Variants in GRID2 observed in about 807,000 individuals in gnomAD.
GRID2 encodes the protein glutamate receptor ionotropic, delta-2.
Under a neutral mutation model 114.8 loss-of-function variants are expected in GRID2, and 33 were observed. That is an observed-to-expected ratio of 0.29 (90% CI 0.22 to 0.38). The LOEUF (loss-of-function observed/expected upper bound fraction) is 0.38. Ranked by LOEUF, GRID2 falls within the 10% of genes least tolerant of loss-of-function variation. GRID2 has a pLI of 1.00. For missense variants in GRID2, 1,184 were observed against 1,257.7 expected, an observed-to-expected ratio of 0.94 and a Z score of 0.89; for synonymous variants, 505 against 449.9, an observed-to-expected ratio of 1.12 and a Z score of -1.55.
At chr4:92,722,211 G>A (rs973791690) in intron 2 of GRID2, among the ~76,000 whole-genome samples, 1 of 152,126 alleles carries the variant, frequency 6.6e-6, no homozygotes, top group Non-Finnish European at 1.5e-5. Context: ...CTGGATTTGG[G>A]AAGAATGCCA....
chr4:93,412,180 A>G (rs1767235814), intron 9 of GRID2, among the ~76,000 whole-genome samples: 1 of 151,290 alleles, frequency 6.6e-6, no homozygotes, highest in South Asian at 2.1e-4. Context: ...TTTGGGGATC[A>G]CTTGAGGTCA....
At chr4:92,742,696 C>T (rs181254273) in intron 2 of GRID2, among the ~76,000 whole-genome samples, 10 of 152,280 alleles carry the variant, frequency 6.6e-5, no homozygotes, top group South Asian at 2.1e-4. Flanking sequence ...AAAAAGGGCT[C>T]ATCTTTGTTT....
intron 8 of GRID2, among the ~76,000 whole-genome samples, chr4:93,253,489 T>C (rs537956501): frequency 7.2e-5 from 11 of 152,246 alleles, no homozygotes; most frequent in Non-Finnish European, 1.3e-4. Flanking sequence ...TAAAATAATG[T>C]ACAGTTAAAG....
intron 4 of GRID2, among the ~76,000 whole-genome samples, chr4:93,149,573 C>CAA (rs201508289): frequency 0.015 from 2,134 of 141,800 alleles, 20 homozygotes; most frequent in African/African-American, 0.02. Flanking sequence ...AAGACTCCAT[C>CAA]AAAAAAAAAA....
chr4:92,832,871 G>A (rs1195012654), intron 2 of GRID2, among the ~76,000 whole-genome samples: 1 of 152,134 alleles, frequency 6.6e-6, no homozygotes, highest in African/African-American at 2.4e-5. Context: ...AGTGGATATA[G>A]TAATGAACTC....
At chr4:93,284,999 T>C (rs1366615599) in intron 8 of GRID2, among the ~76,000 whole-genome samples, 1 of 151,994 alleles carries the variant, frequency 6.6e-6, no homozygotes, top group East Asian at 1.9e-4. Context: ...ATCAGTGATG[T>C]TGGAATTTTT....
intron 8 of GRID2, among the ~76,000 whole-genome samples, chr4:93,362,132 T>C (rs1370058970): frequency 6.6e-6 from 1 of 152,142 alleles, no homozygotes; most frequent in Non-Finnish European, 1.5e-5. Context: ...TCTAGTGAAA[T>C]CTTATGCTTA....
chr4:92,651,120 G>A (rs545063676), intron 2 of GRID2, among the ~76,000 whole-genome samples: 13 of 152,202 alleles, frequency 8.5e-5, no homozygotes, highest in Admixed American at 2.6e-4. Context: ...TAAGTGCATA[G>A]ATGGTAGTTT....
chr4:92,671,828 A>G (rs1733088063), intron 2 of GRID2, among the ~76,000 whole-genome samples: 2 of 152,136 alleles, frequency 1.3e-5, no homozygotes, highest in Non-Finnish European at 1.5e-5. Context: ...CATGAGTCAT[A>G]TCAGTTCTCA....
chr4:92,945,420 C>G (rs1391735635), intron 2 of GRID2, among the ~76,000 whole-genome samples: 1 of 151,892 alleles, frequency 6.6e-6, no homozygotes, highest in Non-Finnish European at 1.5e-5. Context: ...AGGATCAACT[C>G]AATGTTTTTG....
intron 14 of GRID2, among the ~76,000 whole-genome samples, chr4:93,647,457 C>G (rs1206589291): frequency 6.6e-6 from 1 of 152,192 alleles, no homozygotes; most frequent in Admixed American, 6.5e-5. Context: ...TGAGACAAAA[C>G]TGTCCTCAGG....
At chr4:93,699,264 A>C (rs1029711349) in intron 14 of GRID2, among the ~76,000 whole-genome samples, 4 of 152,110 alleles carry the variant, frequency 2.6e-5, no homozygotes, top group African/African-American at 9.7e-5. Flanking sequence ...GGTGAAGTAA[A>C]GACAATTGAA....
intron 1 of GRID2, among the ~76,000 whole-genome samples, chr4:92,549,900 G>A (rs867219262): frequency 2.0e-5 from 3 of 152,138 alleles, no homozygotes; most frequent in Non-Finnish European, 4.4e-5. Flanking sequence ...TCTTAATGAG[G>A]TATGCTATTC....
In GRID2 at chr4:93,678,005, A is replaced by C. The variant is rs536907479; in HGVS notation, c.2360+51570A>C. The stretch of plus-strand genomic sequence containing the variant: ...GAGCTACAGGAGGAAATTCAAACCA[A>C]AGGCAAAGAAGTTGAAAACTTGGAA... On this transcript the variant is annotated intron_variant, in intron 14 of 15. Coordinates refer to ENST00000282020, the MANE Select transcript of GRID2 (RefSeq NM_001510.4). Among the ~76,000 whole-genome samples, 18 of 151,950 alleles carry C rather than the reference A, an allele frequency of 1.2e-4. 1 individual carries two copies. In the South Asian group the frequency reaches 3.3e-3, roughly 28 times the overall value.
intron 2 of GRID2, among the ~76,000 whole-genome samples, chr4:92,740,918 T>G (rs745716782): frequency 6.6e-6 from 1 of 152,052 alleles, no homozygotes; most frequent in African/African-American, 2.4e-5. Context: ...GACTTATTCT[T>G]GTAGTTTTAT....
chr4:92,533,884 A>G (rs1015539088), intron 1 of GRID2, among the ~76,000 whole-genome samples: 2 of 152,070 alleles, frequency 1.3e-5, no homozygotes, highest in African/African-American at 4.8e-5. Context: ...ATGTTCTGTT[A>G]GCTGTAGATT....
At chr4:92,696,013 G>A (rs569411976) in intron 2 of GRID2, among the ~76,000 whole-genome samples, 3 of 152,046 alleles carry the variant, frequency 2.0e-5, no homozygotes, top group Non-Finnish European at 4.4e-5. Context: ...AAATACATAT[G>A]CTTCACTAAA....
chr4:93,250,433 G>A (rs1265469921), intron 8 of GRID2, among the ~76,000 whole-genome samples: 2 of 151,696 alleles, frequency 1.3e-5, no homozygotes, highest in Non-Finnish European at 2.9e-5. Context: ...ACCGTGGCAT[G>A]TGTATACCTA....
At chr4:92,489,844 TAAAAAAAAA>T (rs34912004) in intron 1 of GRID2, among the ~76,000 whole-genome samples, 29 of 132,662 alleles carry the variant, frequency 2.2e-4, no homozygotes, top group Non-Finnish European at 4.1e-4. Context: ...AGACTCCATT[TAAAAAAAAA>T]AAAAAAAAAG....
Sources: gnomAD v4.1 joint callset for allele counts (sites outside exome capture counted in the v4.1 genomes callset) on GRCh38, gnomAD v4.1.1 for gene constraint, MANE v1.5 for transcripts, NCBI Gene and HGNC (gene_info 2026-07-23, HGNC 2026-07-21) for gene names.